SLC25A16: variants seen among roughly 807,000 people sequenced by gnomAD.
SLC25A16 encodes the protein mitochondrial coenzyme A transporter SLC25A16.
In SLC25A16, 39 loss-of-function variants were observed where a neutral mutation model predicts 41.5. That is an observed-to-expected ratio of 0.94 (90% CI 0.73 to 1.23). The LOEUF (loss-of-function observed/expected upper bound fraction) is 1.23, where lower values mean the gene tolerates loss of function less well. Ranked by LOEUF, SLC25A16 falls within the 50% of genes most tolerant of loss-of-function variation. SLC25A16 has a pLI of 0.00. For missense variants in SLC25A16, 421 were observed against 426.9 expected (o/e 0.99, Z 0.12); for synonymous variants, 146 against 147.8 (o/e 0.99, Z 0.09).
intron 4 of SLC25A16, among the ~76,000 whole-genome samples, chr10:68,500,562 C>T (rs925188976): frequency 1.3e-5 from 2 of 148,986 alleles, no homozygotes; most frequent in African/African-American, 4.9e-5. Flanking sequence ...CCTGCCTTGG[C>T]CTCCCAAAGT....
intron 7 of SLC25A16, 72 bp from the exon 8 acceptor site, chr10:68,487,284 C>T (rs1035212104): frequency 2.4e-5 from 26 of 1,071,106 alleles, no homozygotes; most frequent in Admixed American, 1.8e-4. Context: ...AATACAAAGC[C>T]CTATAAATTC....
At position 68,487,186 on chromosome 10, in the gene SLC25A16, C is replaced by T. The variant is rs371840086; in HGVS notation, c.800G>A (p.Arg267Gln). 7.5e-5 allele frequency: 121 copies of T among 1,613,324 alleles called. No homozygotes were observed. The highest frequency in any genetic ancestry group is 1.1e-4 in the African/African-American group (8 of 74,790). ...ISYPFDVTRR[R>Q]MQLGTVLPEF... ...CGGCAGAACAGTTCCTAATTGCATT[C>T]GCCGACGAGTCACATCAAATGGGTA... Residue 267 changes from arginine (R) to glutamine (Q), a missense_variant, in exon 8 of 9, where the codon CGA (arginine) becomes CAA (glutamine). Coordinates refer to ENST00000609923, the MANE Select transcript of SLC25A16 (RefSeq NM_152707.4).
chr10:68,492,502 C>T (rs922488289), intron 6 of SLC25A16, among the ~76,000 whole-genome samples: 8 of 151,974 alleles, frequency 5.3e-5, no homozygotes, highest in African/African-American at 1.7e-4. Flanking sequence ...GGCACGGTGG[C>T]TAATGCCTGC....
intron 1 of SLC25A16, among the ~76,000 whole-genome samples, chr10:68,523,735 G>A (rs189726993): frequency 2.6e-5 from 4 of 152,014 alleles, no homozygotes; most frequent in Admixed American, 6.6e-5. Context: ...TGAGCCTCCT[G>A]AAGTGCTGGG....
chr10:68,499,590 A>G (rs1411952320), intron 4 of SLC25A16: 11 of 299,860 alleles, frequency 3.7e-5, no homozygotes, highest in South Asian at 3.1e-4. Flanking sequence ...AGGCGTTTCA[A>G]TGCAATATCC....
At chr10:68,505,579 C>G (rs970057857) in intron 3 of SLC25A16, among the ~76,000 whole-genome samples, 3 of 151,970 alleles carry the variant, frequency 2.0e-5, no homozygotes, top group African/African-American at 4.8e-5. Flanking sequence ...TCCAGACCAG[C>G]CTGACCAACA....
In SLC25A16 at chr10:68,480,742, C is replaced by G. The variant is rs888438586; in HGVS notation, c.*2690G>C. The stretch of plus-strand genomic sequence containing the variant: ...CGATTTCCTGACCTCGTGATCCCCC[C>G]GCCTCAGCCTCCCAAAGTGCTGAGA... On this transcript the variant is annotated 3_prime_UTR_variant, in exon 9 of 9. Coordinates refer to ENST00000609923, the MANE Select transcript of SLC25A16 (RefSeq NM_152707.4). 2 of 151,906 alleles carry G rather than the reference C, an allele frequency of 1.3e-5. No homozygotes were observed. The highest frequency in any genetic ancestry group is 4.8e-5 in the African/African-American group (2 of 41,362). 9.4% of individuals were successfully genotyped at this position (151,906 alleles called of 1,614,324 possible). A position where few individuals can be genotyped will look rare whatever the true frequency, so the allele number is the denominator to read the frequency against.
intron 5 of SLC25A16, 112 bp downstream of exon 5, chr10:68,493,331 ATTATTG>A (rs747453065): frequency 1.8e-6 from 2 of 1,134,700 alleles, no homozygotes; most frequent in Non-Finnish European, 2.6e-6. Context: ...TGTTTTCGTA[ATTATTG>A]TTATTAACAT....
Position 68,516,718 on chromosome 10 carries a change from AT to A in SLC25A16, c.223+32del. 8 of 1,401,906 alleles carry A rather than the reference AT, an allele frequency of 5.7e-6. No individual in the cohort carries two copies. The South Asian group carries it at 1.0e-4, about 18-fold the overall frequency. 86.8% of individuals were successfully genotyped at this position (1,401,906 alleles called of 1,614,324 possible). ...TTTGCCCACTTTCCACAATATTTTC[AT>A]TCATTTTTATCTTTAGCATCTATTA... On this transcript the variant is annotated intron_variant, in intron 2 of 8. Coordinates refer to ENST00000609923, the MANE Select transcript of SLC25A16 (RefSeq NM_152707.4).
chr10:68,488,795 C>T (rs2052608015), intron 6 of SLC25A16, among the ~76,000 whole-genome samples, 166 bp from the exon 7 acceptor site: 1 of 152,006 alleles, frequency 6.6e-6, no homozygotes, highest in Admixed American at 6.6e-5. Context: ...AAATTACCAC[C>T]AATAAAAAAT....
intron 4 of SLC25A16, among the ~76,000 whole-genome samples, chr10:68,497,528 GAC>G (rs1330065988): frequency 6.6e-6 from 1 of 151,538 alleles, no homozygotes; most frequent in Admixed American, 6.6e-5. Flanking sequence ...ATTCAGTTAT[GAC>G]ACTCATGAGC....
Position 68,516,798 on chromosome 10 carries a change from C to T in SLC25A16, c.176G>A (p.Arg59Gln), listed in dbSNP as rs781166022. The T allele has an allele frequency of 3.7e-6, 6 of 1,613,164 alleles. No individual in the cohort carries two copies. Among genetic ancestry groups the T allele is most frequent in the South Asian group, 3.3e-5 (3 of 90,942 alleles). The change falls in exon 2 of 9, where the codon CGA (arginine) becomes CAA (glutamine). Residue 59 changes from arginine (R) to glutamine (Q), a missense_variant. Coordinates refer to ENST00000609923, the MANE Select transcript of SLC25A16 (RefSeq NM_152707.4). ...GTGAGCTTGTAATAAAACCTTTACT[C>T]GATCCAATGGAGCAACTGTTGTTTT... ...CAKTTVAPLDRVKVLLQAHNH... is the reference protein window; with the variant it reads ...CAKTTVAPLDQVKVLLQAHNH...
intron 2 of SLC25A16, among the ~76,000 whole-genome samples, chr10:68,507,826 A>T (rs1590114456): frequency 6.6e-6 from 1 of 152,224 alleles, no homozygotes; most frequent in East Asian, 1.9e-4. Flanking sequence ...TTCAAATTTT[A>T]GACTGCAAAT....
intron 4 of SLC25A16, among the ~76,000 whole-genome samples, chr10:68,500,674 T>C (rs1001697597): frequency 9.3e-5 from 14 of 150,218 alleles, no homozygotes; most frequent in African/African-American, 3.2e-4. Flanking sequence ...CTCACACCTG[T>C]AATCCTAGCA....
chr10:68,493,624 ATT>A, intron 4 of SLC25A16, 54 bp from the exon 5 acceptor site: 1 of 1,364,122 alleles, frequency 7.3e-7, no homozygotes, highest in East Asian at 2.3e-5. Flanking sequence ...ATATACATAT[ATT>A]CCCCTATCAT....
intron 6 of SLC25A16, 120 bp from the exon 7 acceptor site, chr10:68,488,749 G>C: frequency 1.2e-6 from 1 of 810,978 alleles, no homozygotes; most frequent in Non-Finnish European, 1.9e-6. Flanking sequence ...ATTTAAAATA[G>C]AAAGATTTGT....
At chr10:68,516,950 A>T (rs899378880) in intron 1 of SLC25A16, 107 bp from the exon 2 acceptor site, 12 of 1,049,956 alleles carry the variant, frequency 1.1e-5, no homozygotes, top group South Asian at 7.7e-5. Context: ...TTCAGTCTCC[A>T]TGAGTAAATC....
Position 68,493,555 on chromosome 10 carries a change from A to G in SLC25A16, c.437T>C (p.Ile146Thr). 3.1e-6 allele frequency: 5 copies of G among 1,612,906 alleles called. No homozygotes were observed. The highest frequency in any genetic ancestry group is 3.3e-4 in the Middle Eastern group (2 of 6,058). The change falls in exon 5 of 9, where the codon ATC (isoleucine) becomes ACC (threonine). Residue 146 changes from isoleucine to threonine, a missense_variant. Transcript: ENST00000609923. The stretch of plus-strand genomic sequence containing the variant: ...AACCATGTCAAGAGGGTAAGTACAG[A>G]TAACTGCTGTCATACCTGAAAAGAA... Reference protein sequence around the residue: ...AGSMAGMTAVICTYPLDMVRV... With the variant: ...AGSMAGMTAVTCTYPLDMVRV...
intron 2 of SLC25A16, among the ~76,000 whole-genome samples, chr10:68,507,430 A>G (rs1157452563): frequency 1.3e-5 from 2 of 152,178 alleles, no homozygotes; most frequent in Admixed American, 6.6e-5. Flanking sequence ...GCCTACCCAG[A>G]TACATGTGTT....
Sources: allele counts gnomAD v4.1 joint callset (sites outside exome capture counted in the v4.1 genomes callset), GRCh38; gene constraint gnomAD v4.1.1; transcripts MANE v1.5; gene names NCBI Gene and HGNC (gene_info 2026-07-23, HGNC 2026-07-21).